The following LDB2 variants were observed in gnomAD, a reference collection of about 807,000 sequenced individuals.
LDB2 encodes the protein LIM domain-binding protein 2.
A neutral mutation model predicts 44.3 loss-of-function variants in LDB2; 12 were observed. The ratio of observed to expected loss-of-function variants is 0.27; its 90% CI spans 0.17 to 0.44. The LOEUF is 0.44. Among genes scored for constraint, LDB2 ranks in the 20% least tolerant of loss-of-function variants. LDB2 has a pLI of 1.00. For missense variants in LDB2, 344 were observed against 473.5 expected, an observed-to-expected ratio of 0.73 and a Z score of 2.54; for synonymous variants, 164 against 174.8, an observed-to-expected ratio of 0.94 and a Z score of 0.49.
chr4:16,883,984 G>A (rs1310032697), intron 1 of LDB2, among the ~76,000 whole-genome samples: 1 of 152,058 alleles, frequency 6.6e-6, no homozygotes, highest in African/African-American at 2.4e-5. Context: ...GCCAGTAAGT[G>A]TGTGTAATTT....
At chr4:16,839,254 G>A (rs540837846) in intron 1 of LDB2, among the ~76,000 whole-genome samples, 1 of 152,306 alleles carries the variant, frequency 6.6e-6, no homozygotes, top group South Asian at 2.1e-4. Context: ...TTGGACATCT[G>A]GCGAAAACCT....
At chr4:16,887,694 G>C (rs1224234585) in intron 1 of LDB2, among the ~76,000 whole-genome samples, 1 of 146,598 alleles carries the variant, frequency 6.8e-6, no homozygotes. Context: ...CTACCAAAAG[G>C]AAAAGAAAAA....
At chr4:16,568,914 C>G (rs556514003) in intron 5 of LDB2, among the ~76,000 whole-genome samples, 1 of 152,292 alleles carries the variant, frequency 6.6e-6, no homozygotes, top group Middle Eastern at 3.4e-3. Context: ...AGAGGAATTT[C>G]GCAGGCAAGG....
intron 1 of LDB2, among the ~76,000 whole-genome samples, chr4:16,814,426 G>T (rs565978418): frequency 6.6e-6 from 1 of 152,258 alleles, no homozygotes; most frequent in East Asian, 1.9e-4. Context: ...TCCATCTAGA[G>T]ACTGCAATTG....
At chr4:16,832,730 AC>A (rs1384539261) in intron 1 of LDB2, among the ~76,000 whole-genome samples, 1 of 152,202 alleles carries the variant, frequency 6.6e-6, no homozygotes, top group African/African-American at 2.4e-5. Context: ...GAGAAAGACT[AC>A]TGCCCAGATT....
chr4:16,562,663 C>A (rs989708299), intron 5 of LDB2, among the ~76,000 whole-genome samples: 1 of 152,156 alleles, frequency 6.6e-6, no homozygotes, highest in African/African-American at 2.4e-5. Flanking sequence ...TGTGGCCATT[C>A]CTCAGGGATC....
chr4:16,635,183 C>A (rs572914462), intron 2 of LDB2, among the ~76,000 whole-genome samples: 43 of 152,166 alleles, frequency 2.8e-4, no homozygotes, highest in African/African-American at 8.4e-4. Context: ...GGAGAAATAC[C>A]TAATGTAGGT....
At chr4:16,606,771 C>T (rs1724060343) in intron 2 of LDB2, among the ~76,000 whole-genome samples, 1 of 152,150 alleles carries the variant, frequency 6.6e-6, no homozygotes, top group African/African-American at 2.4e-5. Flanking sequence ...TTCAAAGTTG[C>T]CAAACTCTAA....
At chr4:16,607,138 G>T (rs982704906) in intron 2 of LDB2, among the ~76,000 whole-genome samples, 2 of 152,252 alleles carry the variant, frequency 1.3e-5, no homozygotes, top group East Asian at 3.9e-4. Context: ...CCTTGAAAGG[G>T]GATTTTGAAG....
At chr4:16,772,875 T>A (rs1046235397) in intron 1 of LDB2, among the ~76,000 whole-genome samples, 1 of 152,144 alleles carries the variant, frequency 6.6e-6, no homozygotes, top group African/African-American at 2.4e-5. Flanking sequence ...CATTCTTACA[T>A]GATAATATAA....
chr4:16,685,269 C>T (rs1748935142), intron 2 of LDB2, among the ~76,000 whole-genome samples: 1 of 152,178 alleles, frequency 6.6e-6, no homozygotes, highest in Non-Finnish European at 1.5e-5. Context: ...ATGGAGGATG[C>T]GATCCTCACT....
At chr4:16,774,267 T>C (rs1037596692) in intron 1 of LDB2, among the ~76,000 whole-genome samples, 2 of 151,996 alleles carry the variant, frequency 1.3e-5, no homozygotes, top group African/African-American at 4.8e-5. Flanking sequence ...GCTTCCATCC[T>C]GTCCTGCCTT....
rs563122707 is a variant in LDB2, at chr4:16,895,640, T to C, written c.132+2714A>G. ...CAGAAGAGAGAGAGGAAGAGAGAGA[T>C]GGAAGAGGGATGGGTGAGTCAGTCT... is the stretch of plus-strand genomic sequence containing the variant. On this transcript the variant is annotated intron_variant, in intron 1 of 7. Transcript: ENST00000304523. 7.9e-5 allele frequency among the ~76,000 whole-genome samples: 12 copies of C among 152,072 alleles called. No individual in the cohort carries two copies. In the East Asian group the frequency reaches 2.3e-3, roughly 29 times the overall value.
chr4:16,558,570 A>C (rs1740726585), intron 5 of LDB2, among the ~76,000 whole-genome samples: 1 of 152,240 alleles, frequency 6.6e-6, no homozygotes, highest in South Asian at 2.1e-4. Context: ...TGAAAAGACC[A>C]AATCTACGTC....
chr4:16,844,776 A>G (rs1580170312), intron 1 of LDB2, among the ~76,000 whole-genome samples: 2 of 152,138 alleles, frequency 1.3e-5, no homozygotes, highest in Non-Finnish European at 2.9e-5. Flanking sequence ...ACATTAGCAC[A>G]TTTTGCAGAA....
intron 1 of LDB2, among the ~76,000 whole-genome samples, chr4:16,784,428 CA>C (rs1178042750): frequency 1.3e-5 from 2 of 152,166 alleles, no homozygotes; most frequent in African/African-American, 2.4e-5. Flanking sequence ...ATTTCCTTAG[CA>C]GGCAATAGGA....
chr4:16,852,963 C>G (rs1290200970), intron 1 of LDB2, among the ~76,000 whole-genome samples: 2 of 152,090 alleles, frequency 1.3e-5, no homozygotes, highest in Non-Finnish European at 2.9e-5. Flanking sequence ...TGGCCCAAAT[C>G]TCTGTAACAG....
At chr4:16,688,406 T>A (rs939191695) in intron 2 of LDB2, among the ~76,000 whole-genome samples, 6 of 152,284 alleles carry the variant, frequency 3.9e-5, no homozygotes, top group Admixed American at 1.3e-4. Context: ...GCTGCCTGAG[T>A]CTTGCAGCAC....
intron 4 of LDB2, among the ~76,000 whole-genome samples, chr4:16,587,016 A>C (rs867355488): frequency 1.1e-4 from 16 of 152,236 alleles, no homozygotes; most frequent in African/African-American, 3.9e-4. Context: ...AGAGCATGTC[A>C]GTTTCATGTC....
Sources: allele counts gnomAD v4.1 joint callset (sites outside exome capture counted in the v4.1 genomes callset), GRCh38; gene constraint gnomAD v4.1.1; transcripts MANE v1.5; gene names NCBI Gene and HGNC (gene_info 2026-07-23, HGNC 2026-07-21).